DIS3L2: variants seen among roughly 807,000 people sequenced by gnomAD.
DIS3L2 encodes the protein DIS3-like exonuclease 2.
DIS3L2 carries 34 observed loss-of-function variants against 97.5 expected under a neutral mutation model. The ratio of observed to expected loss-of-function variants is 0.35; its 90% CI spans 0.27 to 0.46. The LOEUF is 0.46. Among genes scored for constraint, DIS3L2 ranks in the 20% least tolerant of loss-of-function variants. DIS3L2 has a pLI of 1.00. For missense variants in DIS3L2, 1,038 were observed against 1,146.0 expected, an observed-to-expected ratio of 0.91 and a Z score of 1.36; for synonymous variants, 435 against 445.2, an observed-to-expected ratio of 0.98 and a Z score of 0.29.
intron 5 of DIS3L2, among the ~76,000 whole-genome samples, chr2:232,078,383 C>G (rs530996195): frequency 2.5e-4 from 38 of 152,076 alleles, no homozygotes; most frequent in South Asian, 6.2e-4. Context: ...GCCCTTCCCC[C>G]CCGCCCCGCT....
chr2:232,336,909 C>T lies in DIS3L2; in HGVS notation c.*279C>T. ...CCTTTTTTCTGGGCCCTACTGCCCT[C>T]CTCTGCCCAGGAAATGGGGGGGTTT... On this transcript the variant is annotated 3_prime_UTR_variant, in exon 21 of 21. Coordinates refer to ENST00000325385, the MANE Select transcript of DIS3L2 (RefSeq NM_152383.5). The T allele has an allele frequency of 3.2e-6, 4 of 1,262,974 alleles. No homozygotes were observed. The highest frequency in any genetic ancestry group is 3.0e-6 in the Non-Finnish European group (3 of 999,212). 78.2% of individuals were successfully genotyped at this position (1,262,974 alleles called of 1,614,324 possible). A position where few individuals can be genotyped will look rare whatever the true frequency, so the allele number is the denominator to read the frequency against.
intron 4 of DIS3L2, among the ~76,000 whole-genome samples, chr2:232,028,318 A>G (rs1694715630): frequency 6.6e-6 from 1 of 152,182 alleles, no homozygotes; most frequent in East Asian, 1.9e-4. Flanking sequence ...GGCCTAAAAA[A>G]GTGGTTAAAA....
chr2:232,027,569 T>TA (rs1442204283), intron 4 of DIS3L2, among the ~76,000 whole-genome samples: 1 of 152,228 alleles, frequency 6.6e-6, no homozygotes, highest in African/African-American at 2.4e-5. Context: ...GGTTTGCTCT[T>TA]ACTCACTCTA....
exon 14 of DIS3L2, chr2:232,343,453 G>A (rs1262581236): frequency 3.2e-6 from 5 of 1,555,852 alleles, no homozygotes; most frequent in Non-Finnish European, 4.3e-6. Flanking sequence ...TGAGACTCGG[G>A]GCATATGTGA....
At chr2:232,303,899 C>T (rs539673968) in intron 14 of DIS3L2, among the ~76,000 whole-genome samples, 1 of 152,150 alleles carries the variant, frequency 6.6e-6, no homozygotes, top group African/African-American at 2.4e-5. Context: ...GAGGACAGTC[C>T]CTAGGACTTG....
At chr2:232,190,582 G>A (rs1028027104) in intron 9 of DIS3L2, among the ~76,000 whole-genome samples, 15 of 151,554 alleles carry the variant, frequency 9.9e-5, no homozygotes, top group African/African-American at 3.4e-4. Flanking sequence ...AGAGAAAGAA[G>A]AGAGAGAGAG....
At chr2:232,107,377 G>T (rs1010101177) in intron 6 of DIS3L2, among the ~76,000 whole-genome samples, 1 of 152,126 alleles carries the variant, frequency 6.6e-6, no homozygotes, top group Non-Finnish European at 1.5e-5. Context: ...AATAGAAGGA[G>T]AGAAGATTCA....
At chr2:232,032,009 CTTTGGG>C (rs1218829636) in intron 5 of DIS3L2, among the ~76,000 whole-genome samples, 1 of 152,072 alleles carries the variant, frequency 6.6e-6, no homozygotes, top group African/African-American at 2.4e-5. Flanking sequence ...ATTTATAATC[CTTTGGG>C]TATATACACA....
intron 1 of DIS3L2, among the ~76,000 whole-genome samples, chr2:231,990,539 A>C (rs1693555780): frequency 6.6e-6 from 1 of 152,234 alleles, no homozygotes; most frequent in Non-Finnish European, 1.5e-5. Context: ...TTGAATTTAT[A>C]ATGTTATACT....
intron 6 of DIS3L2, among the ~76,000 whole-genome samples, chr2:232,118,820 GA>G (rs1442604968): frequency 2.0e-5 from 3 of 152,226 alleles, no homozygotes; most frequent in African/African-American, 7.2e-5. Context: ...TTGTAAAAGA[GA>G]AGCAATTTTC....
intron 5 of DIS3L2, among the ~76,000 whole-genome samples, chr2:232,041,946 G>A (rs1371846389): frequency 1.3e-5 from 2 of 152,190 alleles, no homozygotes; most frequent in Non-Finnish European, 2.9e-5. Flanking sequence ...TACTTTGTTA[G>A]CAAGTCTAAA....
intron 10 of DIS3L2, among the ~76,000 whole-genome samples, chr2:232,224,044 C>A (rs558677426): frequency 1.3e-5 from 2 of 152,138 alleles, no homozygotes; most frequent in South Asian, 4.1e-4. Flanking sequence ...GAGCCATGAT[C>A]GCACCACACT....
At chr2:232,012,666 T>C (rs1694240129) in intron 1 of DIS3L2, among the ~76,000 whole-genome samples, 1 of 152,214 alleles carries the variant, frequency 6.6e-6, no homozygotes, top group Non-Finnish European at 1.5e-5. Context: ...ATTCTTTTCC[T>C]ACATCTTCAT....
intron 10 of DIS3L2, among the ~76,000 whole-genome samples, chr2:232,229,203 A>G (rs1218970750): frequency 1.3e-5 from 2 of 151,938 alleles, no homozygotes; most frequent in Non-Finnish European, 2.9e-5. Flanking sequence ...TTGGATGAAG[A>G]ATTTTGAACA....
chr2:232,098,374 A>G (rs1006565905), intron 6 of DIS3L2, among the ~76,000 whole-genome samples: 1 of 105,076 alleles, frequency 9.5e-6, no homozygotes, highest in African/African-American at 3.6e-5. Context: ...TTTTTTTTTG[A>G]GACAGAGTCT....
chr2:232,255,803 G>A (rs1187301082), intron 12 of DIS3L2, among the ~76,000 whole-genome samples: 3 of 152,092 alleles, frequency 2.0e-5, no homozygotes, highest in Non-Finnish European at 2.9e-5. Context: ...TATGGAAGTC[G>A]CCTATTTCAG....
At chr2:231,990,164 T>C (rs1574791359) in intron 1 of DIS3L2, among the ~76,000 whole-genome samples, 1 of 150,360 alleles carries the variant, frequency 6.7e-6, no homozygotes, top group East Asian at 2.0e-4. Flanking sequence ...CTTCCCATGC[T>C]TCTTTAGGTT....
intron 12 of DIS3L2, among the ~76,000 whole-genome samples, chr2:232,258,994 C>G (rs1183369240): frequency 1.3e-5 from 2 of 152,106 alleles, no homozygotes; most frequent in Admixed American, 6.5e-5. Context: ...AGGTGTGACT[C>G]CCAGAAGCAC....
In DIS3L2 at chr2:232,185,002, C is replaced by T. The variant is rs565518469; in HGVS notation, c.1124+21370C>T. On this transcript the variant is annotated intron_variant, in intron 9 of 20. Coordinates refer to ENST00000325385, the MANE Select transcript of DIS3L2 (RefSeq NM_152383.5). ...TTAGCCTTGCCCTTCTCTGTTCTCC[C>T]GAGGCAGTCTGCTCACTTGCCATAA... Among the ~76,000 whole-genome samples, 22 of 152,230 alleles carry T rather than the reference C, an allele frequency of 1.4e-4. No individual in the cohort carries two copies. In the South Asian group the frequency reaches 3.9e-3, roughly 27 times the overall value.
Sources: gnomAD v4.1 joint callset for allele counts (sites outside exome capture counted in the v4.1 genomes callset) on GRCh38, gnomAD v4.1.1 for gene constraint, MANE v1.5 for transcripts, NCBI Gene and HGNC (gene_info 2026-07-23, HGNC 2026-07-21) for gene names.